GALNTL6: variants seen among roughly 807,000 people sequenced by gnomAD.
GALNTL6 encodes the protein polypeptide N-acetylgalactosaminyltransferase-like 6.
Under a neutral mutation model 73.7 loss-of-function variants are expected in GALNTL6, and 46 were observed. The observed-to-expected ratio is 0.62, with a 90% CI of 0.49 to 0.80. The LOEUF (loss-of-function observed/expected upper bound fraction) is 0.80, where lower values mean the gene tolerates loss of function less well. GALNTL6 is among the 30% of genes least tolerant of loss of function. The pLI is 0.00. For synonymous variants in GALNTL6, 259 were observed against 263.7 expected, an observed-to-expected ratio of 0.98 and a Z score of 0.17; for missense variants, 604 against 755.0, an observed-to-expected ratio of 0.80 and a Z score of 2.34.
intron 2 of GALNTL6, among the ~76,000 whole-genome samples, chr4:171,949,874 A>C (rs1269266914): frequency 6.6e-6 from 1 of 152,188 alleles, no homozygotes; most frequent in Non-Finnish European, 1.5e-5. Flanking sequence ...ACATAAGGCA[A>C]CCTAGTTGTA....
intron 5 of GALNTL6, among the ~76,000 whole-genome samples, chr4:172,525,938 G>T (rs550024212): frequency 1.3e-5 from 2 of 152,180 alleles, no homozygotes; most frequent in South Asian, 4.1e-4. Flanking sequence ...TATGAATAAT[G>T]AAAATATATT....
intron 2 of GALNTL6, among the ~76,000 whole-genome samples, chr4:172,024,631 T>C (rs532603995): frequency 6.6e-6 from 1 of 152,086 alleles, no homozygotes; most frequent in South Asian, 2.1e-4. Flanking sequence ...TTAGTACCCA[T>C]TAATTTTGTA....
In GALNTL6 at chr4:172,537,288, C is replaced by A. The variant is rs184116988; in HGVS notation, c.553+188599C>A. ...GTCCCTACCCAAATCTCATCTTGAACTGTAGTTCTCATAATTCCCACATGT... is the reference window on the plus strand; with the variant it reads ...GTCCCTACCCAAATCTCATCTTGAAATGTAGTTCTCATAATTCCCACATGT... On this transcript the variant is annotated intron_variant, in intron 5 of 12. Coordinates refer to ENST00000506823, the MANE Select transcript of GALNTL6 (RefSeq NM_001034845.3). Among the ~76,000 whole-genome samples, 17 of 152,294 alleles carry A rather than the reference C, an allele frequency of 1.1e-4. No homozygotes were observed. In the East Asian group the frequency reaches 3.3e-3, roughly 29 times the overall value.
intron 5 of GALNTL6, among the ~76,000 whole-genome samples, chr4:172,374,636 T>G (rs562121604): frequency 6.6e-6 from 1 of 152,286 alleles, no homozygotes; most frequent in Non-Finnish European, 1.5e-5. Context: ...ATGACTCCGG[T>G]CCCTGTGATC....
intron 7 of GALNTL6, among the ~76,000 whole-genome samples, chr4:172,866,546 T>C (rs1425616162): frequency 2.6e-5 from 4 of 152,226 alleles, no homozygotes; most frequent in Non-Finnish European, 2.9e-5. Context: ...TGTTTAGATG[T>C]TGATTATTGT....
intron 2 of GALNTL6, among the ~76,000 whole-genome samples, chr4:172,155,201 T>C (rs1306214557): frequency 6.6e-6 from 1 of 152,166 alleles, no homozygotes; most frequent in African/African-American, 2.4e-5. Context: ...TTTCACCATG[T>C]TGGCCAGCCT....
intron 2 of GALNTL6, among the ~76,000 whole-genome samples, chr4:172,223,354 G>A (rs1193659841): frequency 6.6e-6 from 1 of 152,070 alleles, no homozygotes; most frequent in African/African-American, 2.4e-5. Flanking sequence ...AGAAACTTCT[G>A]TGTAGATTAT....
intron 3 of GALNTL6, among the ~76,000 whole-genome samples, chr4:172,273,556 A>G (rs1738728191): frequency 6.6e-6 from 1 of 152,224 alleles, no homozygotes; most frequent in African/African-American, 2.4e-5. Flanking sequence ...ATGGAAACAG[A>G]AAAGAGAAGC....
intron 2 of GALNTL6, among the ~76,000 whole-genome samples, chr4:172,051,338 A>G (rs1050364505): frequency 1.3e-5 from 2 of 152,150 alleles, no homozygotes; most frequent in Non-Finnish European, 2.9e-5. Flanking sequence ...CAGATGGCTT[A>G]AGTGTTAACC....
At chr4:172,545,142 T>C (rs1735698925) in intron 5 of GALNTL6, among the ~76,000 whole-genome samples, 1 of 152,180 alleles carries the variant, frequency 6.6e-6, no homozygotes, top group Non-Finnish European at 1.5e-5. Context: ...ATAATAATTT[T>C]AGTTCTAAGA....
At position 172,942,211 on chromosome 4, in the gene GALNTL6, T is replaced by A. The variant is rs114972182; in HGVS notation, c.1150-9826T>A. Reference sequence around the variant, plus strand: ...AGATTACTTACAACTTGGACAGATATAATTTGTAATCTAAGACCCCTGTCA... The same window carrying A: ...AGATTACTTACAACTTGGACAGATAAAATTTGTAATCTAAGACCCCTGTCA... On this transcript the variant is annotated intron_variant, in intron 9 of 12. Coordinates refer to ENST00000506823, the MANE Select transcript of GALNTL6 (RefSeq NM_001034845.3). Among the ~76,000 whole-genome samples, 529 of 152,370 alleles carry A rather than the reference T, an allele frequency of 3.5e-3. 3 individuals carry two copies. The highest frequency in any genetic ancestry group is 6.0e-3 in the Non-Finnish European group (408 of 68,034).
chr4:172,128,312 C>CTAA (rs1733361962), intron 2 of GALNTL6, among the ~76,000 whole-genome samples: 1 of 152,018 alleles, frequency 6.6e-6, no homozygotes, highest in African/African-American at 2.4e-5. Context: ...TGTATAGGAT[C>CTAA]CCTTAAGGAG....
intron 3 of GALNTL6, among the ~76,000 whole-genome samples, chr4:172,302,948 T>C (rs899279199): frequency 6.6e-6 from 1 of 152,120 alleles, no homozygotes; most frequent in Non-Finnish European, 1.5e-5. Flanking sequence ...CATTTCTCTT[T>C]ATTGTTAGGT....
At chr4:172,485,371 T>C (rs1225259760) in intron 5 of GALNTL6, among the ~76,000 whole-genome samples, 2 of 151,162 alleles carry the variant, frequency 1.3e-5, no homozygotes, top group Non-Finnish European at 2.9e-5. Flanking sequence ...TATAATGAGA[T>C]AGAATACCAG....
At chr4:173,005,463 C>T (rs1736098322) in intron 10 of GALNTL6, among the ~76,000 whole-genome samples, 1 of 152,174 alleles carries the variant, frequency 6.6e-6, no homozygotes, top group Non-Finnish European at 1.5e-5. Context: ...GCTTCACCTT[C>T]AGCCAGAGGT....
At chr4:172,894,270 G>A (rs772869390) in intron 8 of GALNTL6, among the ~76,000 whole-genome samples, 15 of 151,834 alleles carry the variant, frequency 9.9e-5, no homozygotes, top group Non-Finnish European at 2.9e-5. Context: ...TTTTCTTGAG[G>A]TGTATCACTA....
At chr4:171,986,286 C>G (rs1740082408) in intron 2 of GALNTL6, among the ~76,000 whole-genome samples, 1 of 151,436 alleles carries the variant, frequency 6.6e-6, no homozygotes, top group Non-Finnish European at 1.5e-5. Flanking sequence ...GGGGGGTGTT[C>G]TCTGGCGGGC....
chr4:172,515,738 G>A (rs914977655), intron 5 of GALNTL6, among the ~76,000 whole-genome samples: 2 of 152,140 alleles, frequency 1.3e-5, no homozygotes, highest in African/African-American at 4.8e-5. Flanking sequence ...ACAGAGTTGG[G>A]CTCAGGGCAA....
At position 172,641,002 on chromosome 4, in the gene GALNTL6, G is replaced by A. The variant is rs538831442; in HGVS notation, c.554-168359G>A. Among the ~76,000 whole-genome samples, 139 of 151,932 alleles carry A rather than the reference G, an allele frequency of 9.1e-4. 1 individual carries two copies. The South Asian group carries it at 0.022, about 24-fold the overall frequency. ...AGTAACTCCATTTTACCATCCTTTCGTGATCCTGGTCAAAAAACCTTAGAA... is the reference window on the plus strand; with the variant it reads ...AGTAACTCCATTTTACCATCCTTTCATGATCCTGGTCAAAAAACCTTAGAA... On this transcript the variant is annotated intron_variant, in intron 5 of 12. Transcript: ENST00000506823.
Sources: gnomAD v4.1 joint callset for allele counts (sites outside exome capture counted in the v4.1 genomes callset) on GRCh38, gnomAD v4.1.1 for gene constraint, MANE v1.5 for transcripts, NCBI Gene and HGNC (gene_info 2026-07-23, HGNC 2026-07-21) for gene names.